Variants in LRRTM4 observed in about 807,000 individuals in gnomAD.
LRRTM4 encodes leucine rich repeat transmembrane neuronal 4.
In LRRTM4, 25 loss-of-function variants were observed where a neutral mutation model predicts 47.6. That is an observed-to-expected ratio of 0.53 (90% CI 0.38 to 0.73). The LOEUF is 0.73. Among genes scored for constraint, LRRTM4 ranks in the 30% least tolerant of loss-of-function variants. LRRTM4 has a pLI of 0.00. For missense variants in LRRTM4, 638 were observed against 713.4 expected, an observed-to-expected ratio of 0.89 and a Z score of 1.20; for synonymous variants, 311 against 269.5, an observed-to-expected ratio of 1.15 and a Z score of -1.51.
At chr2:77,372,949 T>TAA (rs34277293) in intron 3 of LRRTM4, among the ~76,000 whole-genome samples, 44 of 144,434 alleles carry the variant, frequency 3.0e-4, no homozygotes, top group Non-Finnish European at 4.4e-4. Context: ...GACTTCTGAA[T>TAA]AAAAAAAAAA....
rs1297350541 is a variant in LRRTM4, at chr2:77,083,805, T to G, written c.1552-334889A>C. Among the ~76,000 whole-genome samples, 143 of 110,948 alleles carry G rather than the reference T, an allele frequency of 1.3e-3. 3 individuals are homozygous for G. The highest frequency in any genetic ancestry group is 1.8e-3 in the African/African-American group (50 of 28,334). 72.8% of individuals were successfully genotyped at this position (110,948 alleles called of 152,430 possible). ...ACACTTTTTTTTTTTTTTTTTTTTT[T>G]TTTTTTTTTTTTTTTTTCAGACGGA... On this transcript the variant is annotated intron_variant, in intron 3 of 3. Transcript: ENST00000409884.
chr2:77,293,605 A>C (rs1201552415), intron 3 of LRRTM4, among the ~76,000 whole-genome samples: 1 of 152,200 alleles, frequency 6.6e-6, no homozygotes, highest in East Asian at 1.9e-4. Context: ...GAACACAAAA[A>C]GAAAAACGAA....
At chr2:76,866,267 G>C (rs1490360921) in intron 3 of LRRTM4, among the ~76,000 whole-genome samples, 1 of 152,120 alleles carries the variant, frequency 6.6e-6, no homozygotes, top group East Asian at 1.9e-4. Context: ...ACTTTCACTG[G>C]GGAACGATCT....
chr2:77,371,248 C>T lies in LRRTM4; in HGVS notation c.1551+147070G>A, dbSNP rs1188168841. The stretch of plus-strand genomic sequence containing the variant: ...AGTAAAATTCTAAAATTGACCTTCT[C>T]TCTTATTTCAGAGCAACTTAATTCT... On this transcript the variant is annotated intron_variant, in intron 3 of 3. Transcript: ENST00000409884. 2.6e-5 allele frequency among the ~76,000 whole-genome samples: 4 copies of T among 151,736 alleles called. No individual in the cohort carries two copies. The East Asian group carries it at 7.8e-4, about 29-fold the overall frequency.
At chr2:77,299,275 AC>A (rs1201033885) in intron 3 of LRRTM4, among the ~76,000 whole-genome samples, 54 of 95,582 alleles carry the variant, frequency 5.6e-4, no homozygotes, top group South Asian at 1.5e-3. Flanking sequence ...ACACACACAC[AC>A]ACACACACAC....
chr2:77,094,262 C>A (rs1333272627), intron 3 of LRRTM4, among the ~76,000 whole-genome samples: 3 of 152,058 alleles, frequency 2.0e-5, no homozygotes, highest in Non-Finnish European at 4.4e-5. Flanking sequence ...CTATAAAACA[C>A]TGACAGAATA....
At chr2:76,856,930 G>A (rs1362344290) in intron 3 of LRRTM4, among the ~76,000 whole-genome samples, 3 of 149,762 alleles carry the variant, frequency 2.0e-5, no homozygotes, top group Admixed American at 6.6e-5. Context: ...TTCTTCTGTC[G>A]CAAAAAAAAA....
chr2:77,263,642 T>C (rs1675976016), intron 3 of LRRTM4, among the ~76,000 whole-genome samples: 1 of 152,008 alleles, frequency 6.6e-6, no homozygotes, highest in South Asian at 2.1e-4. Flanking sequence ...GTGTTAAGAG[T>C]ATTGTGGAAG....
At chr2:77,372,246 T>C (rs768168197) in intron 3 of LRRTM4, among the ~76,000 whole-genome samples, 1 of 151,814 alleles carries the variant, frequency 6.6e-6, no homozygotes, top group Non-Finnish European at 1.5e-5. Flanking sequence ...CATTTTGTTA[T>C]ATAAACATCC....
chr2:77,245,091 A>G (rs1675395203), intron 3 of LRRTM4, among the ~76,000 whole-genome samples: 1 of 152,210 alleles, frequency 6.6e-6, no homozygotes, highest in Admixed American at 6.5e-5. Flanking sequence ...TTGTACCAAC[A>G]TAGAAAACTA....
intron 3 of LRRTM4, among the ~76,000 whole-genome samples, chr2:77,348,791 A>T (rs13410653): frequency 0.041 from 6,182 of 149,594 alleles, 446 homozygotes; most frequent in African/African-American, 0.14. Flanking sequence ...ATTAATACAA[A>T]ATATATATAT....
At chr2:77,204,945 A>C (rs1462361624) in intron 3 of LRRTM4, among the ~76,000 whole-genome samples, 1 of 152,242 alleles carries the variant, frequency 6.6e-6, no homozygotes, top group Non-Finnish European at 1.5e-5. Context: ...TAATTTTTCA[A>C]CTATGATCTA....
intron 3 of LRRTM4, among the ~76,000 whole-genome samples, chr2:76,782,869 A>C (rs925590925): frequency 5.3e-5 from 8 of 152,206 alleles, no homozygotes; most frequent in African/African-American, 1.9e-4. Flanking sequence ...AGAAAATTTA[A>C]ATCGCTATTG....
At chr2:77,228,253 A>T (rs554766457) in intron 3 of LRRTM4, among the ~76,000 whole-genome samples, 1 of 152,076 alleles carries the variant, frequency 6.6e-6, no homozygotes, top group Admixed American at 6.6e-5. Flanking sequence ...TCCACATAAT[A>T]AATTTATATT....
chr2:76,749,421 T>C (rs1672771522), intron 3 of LRRTM4, among the ~76,000 whole-genome samples: 1 of 152,138 alleles, frequency 6.6e-6, no homozygotes, highest in African/African-American at 2.4e-5. Flanking sequence ...ACTTTTTATT[T>C]GATACCTATA....
intron 3 of LRRTM4, among the ~76,000 whole-genome samples, chr2:77,362,115 G>GAGAAAGACAGAAAGAAAGAA (rs1672240461): frequency 3.0e-5 from 3 of 98,840 alleles, no homozygotes; most frequent in African/African-American, 1.4e-4. Context: ...GAAAGAAAGA[G>GAGAAAGACAGAAAGAAAGAA]AGAAAGAAAG....
intron 3 of LRRTM4, among the ~76,000 whole-genome samples, chr2:76,911,938 G>C (rs143085932): frequency 1.2e-4 from 6 of 48,822 alleles, no homozygotes; most frequent in South Asian, 6.8e-4. Flanking sequence ...TGCTTTTTGG[G>C]GGGGGGGGGG....
At chr2:77,164,499 A>T (rs1672824690) in intron 3 of LRRTM4, among the ~76,000 whole-genome samples, 1 of 152,206 alleles carries the variant, frequency 6.6e-6, no homozygotes, top group African/African-American at 2.4e-5. Context: ...AAATCAACAG[A>T]ATATACATTC....
At chr2:77,510,270 A>C (rs1165197284) in intron 3 of LRRTM4, among the ~76,000 whole-genome samples, 2 of 152,168 alleles carry the variant, frequency 1.3e-5, no homozygotes, top group African/African-American at 4.8e-5. Context: ...ACTTTTAATA[A>C]GTTAACACCT....
Sources: gnomAD v4.1 joint callset for allele counts (sites outside exome capture counted in the v4.1 genomes callset) on GRCh38, gnomAD v4.1.1 for gene constraint, MANE v1.5 for transcripts, NCBI Gene and HGNC (gene_info 2026-07-23, HGNC 2026-07-21) for gene names.